KHDRBS2: variants seen among roughly 807,000 people sequenced by gnomAD.
KHDRBS2 encodes KH RNA binding domain containing, signal transduction associated 2, also known as KH domain-containing, RNA-binding, signal transduction-associated protein 2.
KHDRBS2 carries 26 observed loss-of-function variants against 44.3 expected under a neutral mutation model. The ratio of observed to expected loss-of-function variants is 0.59; its 90% confidence interval spans 0.43 to 0.81. KHDRBS2 has a LOEUF of 0.81. Ranked by LOEUF, KHDRBS2 falls within the 40% of genes least tolerant of loss-of-function variation. KHDRBS2 has a pLI of 0.00. For missense variants in KHDRBS2, 476 were observed against 433.1 expected, an observed-to-expected ratio of 1.10 and a Z score of -0.88; for synonymous variants, 194 against 151.1, an observed-to-expected ratio of 1.28 and a Z score of -2.08.
At chr6:62,156,751 A>T (rs1816487716) in intron 2 of KHDRBS2, among the ~76,000 whole-genome samples, 1 of 151,700 alleles carries the variant, frequency 6.6e-6, no homozygotes, top group South Asian at 2.1e-4. Flanking sequence ...GGCTCACTGC[A>T]AGCTCCGCCT....
the KHDRBS2 span, among the ~76,000 whole-genome samples, chr6:61,587,291 T>A: frequency 2.6e-5 from 4 of 152,260 alleles, no homozygotes; most frequent in African/African-American, 4.8e-5. Context: ...AATCTCACCA[T>A]CATTTTCCTA....
the KHDRBS2 span, among the ~76,000 whole-genome samples, chr6:61,655,271 C>T: frequency 2.0e-5 from 3 of 149,512 alleles, no homozygotes; most frequent in African/African-American, 7.4e-5. Flanking sequence ...CTATTTATTT[C>T]TTGAGAAGGA....
At chr6:62,025,822 C>T (rs1360760567) in intron 3 of KHDRBS2, among the ~76,000 whole-genome samples, 1 of 151,968 alleles carries the variant, frequency 6.6e-6, no homozygotes, top group Admixed American at 6.6e-5. Flanking sequence ...CCAGCTTTTG[C>T]TTATTATTTC....
chr6:61,664,957 C>T, the KHDRBS2 span, among the ~76,000 whole-genome samples: 3 of 151,364 alleles, frequency 2.0e-5, no homozygotes, highest in African/African-American at 7.3e-5. Context: ...TAAATATATA[C>T]CTATTGGATA....
At chr6:62,059,089 T>G (rs1436665252) in intron 2 of KHDRBS2, among the ~76,000 whole-genome samples, 1 of 149,952 alleles carries the variant, frequency 6.7e-6, no homozygotes, top group East Asian at 2.0e-4. Flanking sequence ...ACATAAACAA[T>G]TATATTGTAG....
At chr6:61,591,227 G>C in the KHDRBS2 span, among the ~76,000 whole-genome samples, 1 of 152,112 alleles carries the variant, frequency 6.6e-6, no homozygotes, top group Non-Finnish European at 1.5e-5. Flanking sequence ...CAGTAGCAGG[G>C]AGATTGCACC....
intron 6 of KHDRBS2, among the ~76,000 whole-genome samples, chr6:61,775,992 C>A (rs191183595): frequency 3.3e-4 from 50 of 152,268 alleles, no homozygotes; most frequent in African/African-American, 1.1e-3. Context: ...TGCTGCATAT[C>A]TACAACTATC....
At chr6:62,264,805 C>T (rs1230780509) in intron 1 of KHDRBS2, among the ~76,000 whole-genome samples, 2 of 151,358 alleles carry the variant, frequency 1.3e-5, no homozygotes, top group Non-Finnish European at 3.0e-5. Context: ...TTTCCTATTG[C>T]TTATTATAGT....
chr6:61,928,348 CCTT>C (rs1562458144), intron 4 of KHDRBS2, among the ~76,000 whole-genome samples: 1 of 151,928 alleles, frequency 6.6e-6, no homozygotes, highest in South Asian at 2.1e-4. Context: ...ATTCCTTATT[CCTT>C]CTTCTTATTT....
At chr6:62,041,486 A>T (rs1196784266) in intron 3 of KHDRBS2, among the ~76,000 whole-genome samples, 2 of 152,136 alleles carry the variant, frequency 1.3e-5, no homozygotes, top group Non-Finnish European at 2.9e-5. Flanking sequence ...ATTCTTTTTT[A>T]ATAGCTTAGT....
chr6:62,194,863 T>C (rs1303862045), intron 1 of KHDRBS2, among the ~76,000 whole-genome samples: 2 of 152,066 alleles, frequency 1.3e-5, no homozygotes, highest in African/African-American at 4.8e-5. Flanking sequence ...CTACACAAAG[T>C]ATGAGTACTC....
chr6:62,200,290 G>C (rs1285887671), intron 1 of KHDRBS2, among the ~76,000 whole-genome samples: 1 of 152,144 alleles, frequency 6.6e-6, no homozygotes, highest in Non-Finnish European at 1.5e-5. Context: ...CCATCAGAGT[G>C]AACAGGCAAC....
chr6:61,961,975 G>GAT (rs1768839223), intron 4 of KHDRBS2, among the ~76,000 whole-genome samples: 2 of 74,362 alleles, frequency 2.7e-5, no homozygotes, highest in Admixed American at 1.4e-4. Flanking sequence ...ATTTTATGTG[G>GAT]AGATATATAT....
chr6:61,754,565 CTTTT>C (rs201477122), intron 6 of KHDRBS2, among the ~76,000 whole-genome samples: 3 of 133,202 alleles, frequency 2.3e-5, no homozygotes, highest in African/African-American at 2.8e-5. Context: ...ATGTTTTATG[CTTTT>C]TTTTTTTTTT....
intron 6 of KHDRBS2, among the ~76,000 whole-genome samples, chr6:61,801,717 G>A (rs1786315771): frequency 6.6e-6 from 1 of 152,006 alleles, no homozygotes; most frequent in South Asian, 2.1e-4. Flanking sequence ...TTGTTACAAT[G>A]GCTTTATAGC....
the KHDRBS2 span, among the ~76,000 whole-genome samples, chr6:61,671,171 G>A: frequency 1.2e-4 from 18 of 151,700 alleles, no homozygotes; most frequent in African/African-American, 3.9e-4. Context: ...ACAGTAGAAC[G>A]TTTTTCTACT....
chr6:61,840,006 A>G lies in KHDRBS2; in HGVS notation c.810+54629T>C, dbSNP rs189946039. On this transcript the variant is annotated intron_variant, in intron 6 of 8. Coordinates refer to ENST00000281156, the MANE Select transcript of KHDRBS2 (RefSeq NM_152688.4). ...ATGATTAAGCAAAGTGTTTTCAGTAAAATAATCTATTCAGTTTTTTGTTAC... is the reference window on the plus strand; with the variant it reads ...ATGATTAAGCAAAGTGTTTTCAGTAGAATAATCTATTCAGTTTTTTGTTAC... 3.8e-4 allele frequency among the ~76,000 whole-genome samples: 58 copies of G among 152,216 alleles called. 1 individual carries two copies. In the East Asian group the frequency reaches 5.6e-3, roughly 15 times the overall value.
chr6:61,744,192 G>A (rs982838559), intron 6 of KHDRBS2, among the ~76,000 whole-genome samples: 1 of 152,060 alleles, frequency 6.6e-6, no homozygotes, highest in African/African-American at 2.4e-5. Context: ...GCTGGCAGAA[G>A]ACATAACTCT....
At chr6:61,962,903 C>T (rs1313342788) in intron 4 of KHDRBS2, among the ~76,000 whole-genome samples, 2 of 152,058 alleles carry the variant, frequency 1.3e-5, no homozygotes, top group African/African-American at 4.8e-5. Context: ...AACACATTTA[C>T]ATTTTATGTG....
Sources: gnomAD v4.1 joint callset for allele counts (sites outside exome capture counted in the v4.1 genomes callset) on GRCh38, gnomAD v4.1.1 for gene constraint, MANE v1.5 for transcripts, NCBI Gene and HGNC (gene_info 2026-07-23, HGNC 2026-07-21) for gene names.